Variants in SIRT2 observed in about 807,000 individuals in gnomAD.
SIRT2 encodes sirtuin 2.
A neutral mutation model predicts 57.4 loss-of-function variants in SIRT2; 40 were observed. The observed-to-expected ratio is 0.70, with a 90% CI of 0.54 to 0.91. SIRT2 has a LOEUF of 0.91. SIRT2 is among the 40% of genes least tolerant of loss of function. The probability of loss-of-function intolerance (pLI) is 0.00; values close to 1 mark genes in which losing one functional copy is unlikely to be tolerated. For missense variants in SIRT2, 439 were observed against 510.4 expected, an observed-to-expected ratio of 0.86 and a Z score of 1.35; for synonymous variants, 161 against 195.7, an observed-to-expected ratio of 0.82 and a Z score of 1.48.
At chr19:38,894,380 G>T (rs959647753) in intron 2 of SIRT2, 1 of 198,116 alleles carries the variant, frequency 5.0e-6, no homozygotes. Context: ...AAAGTGCTGG[G>T]ATTACAGGCG....
intron 9 of SIRT2, among the ~76,000 whole-genome samples, 154 bp downstream of exon 9, chr19:38,883,473 C>T (rs1377565875): frequency 1.3e-5 from 2 of 152,106 alleles, no homozygotes; most frequent in African/African-American, 2.4e-5. Context: ...GAACTCCCCG[C>T]GTGGGCGACA....
intron 2 of SIRT2, chr19:38,894,126 T>G (rs562511631): frequency 1.7e-6 from 1 of 591,200 alleles, no homozygotes; most frequent in South Asian, 2.2e-5. Context: ...AGACAGTGTC[T>G]CGCTCTGTTG....
Position 38,880,886 on chromosome 19 carries a change from C to A in SIRT2, c.759G>T (p.Lys253Asn). Residue 253 changes from lysine (K) to asparagine (N), a missense_variant, in exon 12 of 16, where the codon AAG (lysine) becomes AAT (asparagine). Transcript: ENST00000249396. The surrounding 1 kb of genome is among the most constrained non-coding windows in gnomAD (Gnocchi z 4.1). The stretch of plus-strand genomic sequence containing the variant: ...TACCCATGACCAGGAGGAGGTCCAC[C>A]TTCAGGAAGTCCTGCGGGGAGGGGC... ...FFSCMQSDFL[K>N]VDLLLVMGTS... The A allele has an allele frequency of 6.2e-7, 1 of 1,613,660 alleles. No homozygotes were observed. Among genetic ancestry groups the A allele is most frequent in the Non-Finnish European group, 8.5e-7 (1 of 1,179,810 alleles).
intron 8 of SIRT2, among the ~76,000 whole-genome samples, chr19:38,886,836 G>A (rs181662950): frequency 5.9e-5 from 9 of 152,030 alleles, no homozygotes; most frequent in African/African-American, 2.2e-4. Context: ...TGGCCAGGCT[G>A]GTCTTAAACT....
At chr19:38,884,089 G>A (rs1344183561) in intron 8 of SIRT2, among the ~76,000 whole-genome samples, 4 of 139,050 alleles carry the variant, frequency 2.9e-5, no homozygotes, top group Admixed American at 2.3e-4. Context: ...ATATCAAGAC[G>A]CTTGTCTCTA....
Position 38,889,960 on chromosome 19 carries a change from G to T in SIRT2, c.270C>A (p.Ser90=). The change falls in exon 6 of 16, where the codon TCC becomes TCA. Residue 90 remains serine, a splice_region_variant and synonymous_variant. Transcript: ENST00000249396. ...ICLVGAGIST[S]AGIPDFRSPS... The stretch of plus-strand genomic sequence containing the variant: ...GAGAGCGAAAGTCGGGGATGCCTGC[G>T]GCTAGGAAAGGGGGGTCAGGGAGCA... The T allele has an allele frequency of 6.2e-7, 1 of 1,613,976 alleles. No individual in the cohort carries two copies. The highest frequency in any genetic ancestry group is 8.5e-7 in the Non-Finnish European group (1 of 1,179,844).
chr19:38,896,070 C>CA (rs199750379), intron 2 of SIRT2, among the ~76,000 whole-genome samples: 14 of 148,020 alleles, frequency 9.5e-5, no homozygotes, highest in African/African-American at 1.8e-4. Context: ...GACTCCGTCT[C>CA]AAAAAAAAAG....
At chr19:38,887,932 T>G (rs1480513217) in intron 8 of SIRT2, among the ~76,000 whole-genome samples, 2 of 151,480 alleles carry the variant, frequency 1.3e-5, no homozygotes, top group Non-Finnish European at 2.9e-5. Context: ...ATTTTTGTAT[T>G]TTTAGTAGAG....
intron 10 of SIRT2, 128 bp from the exon 11 acceptor site, chr19:38,881,283 AC>A: frequency 8.7e-7 from 1 of 1,151,918 alleles, no homozygotes; most frequent in Non-Finnish European, 1.3e-6. Context: ...AGGGGCACAG[AC>A]CCCATTCTCC....
chr19:38,889,258 A>G (rs1973442839), intron 7 of SIRT2, 103 bp from the exon 8 acceptor site: 4 of 1,113,110 alleles, frequency 3.6e-6, no homozygotes, highest in Non-Finnish European at 4.1e-6. Flanking sequence ...TTTTACCCCC[A>G]GGGAACCGTC....
chr19:38,889,988 T>G (rs199533948), intron 5 of SIRT2, 27 bp from the exon 6 acceptor site: 207 of 1,611,430 alleles, frequency 1.3e-4, no homozygotes, highest in Non-Finnish European at 1.7e-4. Flanking sequence ...AGGGAGCAGT[T>G]GGTCTATACC....
chr19:38,882,337 G>A (rs893769586), intron 9 of SIRT2, among the ~76,000 whole-genome samples: 39 of 151,958 alleles, frequency 2.6e-4, no homozygotes, highest in African/African-American at 9.4e-4. Context: ...GATTTAGGAA[G>A]CTTGAAAGCA....
chr19:38,882,560 C>T (rs527657116), intron 9 of SIRT2, among the ~76,000 whole-genome samples: 4 of 151,342 alleles, frequency 2.6e-5, no homozygotes, highest in African/African-American at 7.3e-5. Context: ...TGCTTGAACC[C>T]GGGAGGCGGA....
At chr19:38,898,972 CAGTGTGTG>C (rs1188047915) in intron 1 of SIRT2, 1 of 178,076 alleles carries the variant, frequency 5.6e-6, no homozygotes, top group Non-Finnish European at 1.2e-5. Flanking sequence ...AAGGACACGA[CAGTGTGTG>C]AGTGTGTGTG....
At chr19:38,899,178 G>T (rs906183918) in intron 1 of SIRT2, among the ~76,000 whole-genome samples, 6 of 152,116 alleles carry the variant, frequency 3.9e-5, no homozygotes, top group Non-Finnish European at 8.8e-5. Context: ...GCATCCTCTG[G>T]TTGCCTCTAA....
At chr19:38,896,917 C>T (rs1044684356) in intron 2 of SIRT2, among the ~76,000 whole-genome samples, 26 of 152,170 alleles carry the variant, frequency 1.7e-4, no homozygotes, top group African/African-American at 6.0e-4. Flanking sequence ...CTGTGCCCAG[C>T]ATGTGTCTGC....
Position 38,880,556 on chromosome 19 carries a change from T to C in SIRT2, c.876+129A>G. On this transcript the variant is annotated intron_variant, in intron 13 of 15. Transcript: ENST00000249396. The surrounding 1 kb of genome is among the most constrained non-coding windows in gnomAD (Gnocchi z 4.1). ...GGCCTGGAACCCGACCCCTCTGGAT[T>C]CTAGAGCCCCAGGTTCTGAGCTGAG... The C allele has an allele frequency of 9.1e-6, 6 of 657,770 alleles. No homozygotes were observed. The South Asian group carries it at 1.3e-4, about 14-fold the overall frequency. 40.7% of individuals were successfully genotyped at this position (657,770 alleles called of 1,614,324 possible). A position where few individuals can be genotyped will look rare whatever the true frequency, so the allele number is the denominator to read the frequency against.
chr19:38,889,740 A>T lies in SIRT2; in HGVS notation c.381T>A (p.His127Gln). The T allele has an allele frequency of 6.2e-7, 1 of 1,614,098 alleles. No individual in the cohort carries two copies. The highest frequency in any genetic ancestry group is 1.3e-5 in the African/African-American group (1 of 75,020). The change falls in exon 7 of 16, where the codon CAT becomes CAA. Residue 127 changes from histidine (H) to glutamine (Q), a missense_variant. Physicochemically the swap from His to Gln is conservative, Grantham distance 24. Transcript: ENST00000249396. Reference protein sequence around the residue: ...AIFEISYFKKHPEPFFALAKE... With the variant: ...AIFEISYFKKQPEPFFALAKE... ...TGGCGAGGGCGAAGAAGGGTTCCGGATGTTTCTGTAGGAGAGACAGCCAGA... is the reference window on the plus strand; with the variant it reads ...TGGCGAGGGCGAAGAAGGGTTCCGGTTGTTTCTGTAGGAGAGACAGCCAGA...
In SIRT2 at chr19:38,879,022, G is replaced by T; in HGVS notation, c.*133C>A. On this transcript the variant is annotated 3_prime_UTR_variant, in exon 16 of 16. Transcript: ENST00000249396. ...CAGGGTTGCTGGGACCCCAGTTTTG[G>T]GGAGGGAGCTGTAAGAGATTGGGGG... 2 of 968,462 alleles carry T rather than the reference G, an allele frequency of 2.1e-6. No individual in the cohort carries two copies. Among genetic ancestry groups the T allele is most frequent in the Non-Finnish European group, 3.0e-6 (2 of 676,170 alleles). 60.0% of individuals were successfully genotyped at this position (968,462 alleles called of 1,614,324 possible).
Sources: allele counts gnomAD v4.1 joint callset (sites outside exome capture counted in the v4.1 genomes callset), GRCh38; gene constraint gnomAD v4.1.1; non-coding constraint Gnocchi (gnomAD v3.1); transcripts MANE v1.5; gene names NCBI Gene and HGNC (gene_info 2026-07-23, HGNC 2026-07-21).